The following GREB1L variants were observed in gnomAD, a reference collection of about 807,000 sequenced individuals.
GREB1L encodes GREB1-like protein.
GREB1L carries 17 observed loss-of-function variants against 200.8 expected under a neutral mutation model. The observed-to-expected ratio is 0.08, with a 90% CI of 0.06 to 0.13. The LOEUF is 0.13. GREB1L is among the 10% of genes least tolerant of loss of function. GREB1L has a pLI of 1.00. For synonymous variants in GREB1L, 789 were observed against 893.0 expected (o/e 0.88, Z 2.08); for missense variants, 1,657 against 2,367.7 (o/e 0.70, Z 6.23).
chr18:21,383,554 T>C lies in GREB1L; in HGVS notation c.36T>C (p.Ala12=). The change falls in exon 3 of 33, where the codon GCT becomes GCC. Residue 12 remains alanine, a synonymous_variant. Coordinates refer to ENST00000424526, the MANE Select transcript of GREB1L (RefSeq NM_001142966.3). ...CATATGCTGGGCAACTGAAATCTGC[T>C]CGATTTGAGGAAGCTCTCCACAACT... ...GNSYAGQLKS[A]RFEEALHNSI... is the part of the protein sequence containing the mutation. 1.3e-6 allele frequency: 2 copies of C among 1,546,872 alleles called. No homozygotes were observed. Among genetic ancestry groups the C allele is most frequent in the Non-Finnish European group, 1.7e-6 (2 of 1,145,622 alleles).
At position 21,490,001 on chromosome 18, in the gene GREB1L, T is replaced by G. The variant is rs1462229918; in HGVS notation, c.2691-11T>G. ...GCTGCCTGAGTGCTAGTGCCTTGTT[T>G]TCTGTTGAAGGTACCCCAGGCTGCA... On this transcript the variant is annotated splice_polypyrimidine_tract_variant and intron_variant, in intron 18 of 32. Transcript: ENST00000424526. The G allele has an allele frequency of 1.9e-6, 3 of 1,546,300 alleles. No individual in the cohort carries two copies. The highest frequency in any genetic ancestry group is 1.7e-6 in the Non-Finnish European group (2 of 1,143,724).
chr18:21,415,033 C>T (rs1295247790), intron 7 of GREB1L, among the ~76,000 whole-genome samples: 1 of 152,044 alleles, frequency 6.6e-6, no homozygotes, highest in Non-Finnish European at 1.5e-5. Context: ...CAGCAGACTC[C>T]TTAAGTCAAG....
chr18:21,296,920 G>T (rs2038537844), intron 1 of GREB1L, among the ~76,000 whole-genome samples: 1 of 152,182 alleles, frequency 6.6e-6, no homozygotes. Flanking sequence ...CTCCCAGAGT[G>T]CTAGGATTAC....
At chr18:21,257,127 C>G (rs184306074) in intron 1 of GREB1L, among the ~76,000 whole-genome samples, 2 of 151,894 alleles carry the variant, frequency 1.3e-5, no homozygotes, top group Non-Finnish European at 2.9e-5. Context: ...CTACTATGCC[C>G]GGCTAATTTT....
intron 7 of GREB1L, among the ~76,000 whole-genome samples, chr18:21,430,047 C>G (rs1340955824): frequency 6.6e-6 from 1 of 152,080 alleles, no homozygotes; most frequent in East Asian, 1.9e-4. Context: ...TGGGCACATT[C>G]CTGATGTCTC....
chr18:21,480,063 G>T (rs1203170162), intron 17 of GREB1L, among the ~76,000 whole-genome samples: 1 of 152,038 alleles, frequency 6.6e-6, no homozygotes, highest in Non-Finnish European at 1.5e-5. Flanking sequence ...TCTGAAAAGG[G>T]TTTTTGGCTA....
Position 21,460,730 on chromosome 18 carries a change from C to T in GREB1L, c.2182+6167C>T, listed in dbSNP as rs146181195. On this transcript the variant is annotated intron_variant, in intron 15 of 32. Transcript: ENST00000424526. ...ACTCCTCAAACCCCAGACTTCATCCCTCATCCTTCTCTCTTAGCAAATGAC... is the reference window on the plus strand; with the variant it reads ...ACTCCTCAAACCCCAGACTTCATCCTTCATCCTTCTCTCTTAGCAAATGAC... Among the ~76,000 whole-genome samples, 9 of 152,240 alleles carry T rather than the reference C, an allele frequency of 5.9e-5. No individual in the cohort carries two copies. The East Asian group carries it at 1.5e-3, about 26-fold the overall frequency.
At chr18:21,488,116 T>C (rs1240681947) in intron 18 of GREB1L, among the ~76,000 whole-genome samples, 1 of 151,358 alleles carries the variant, frequency 6.6e-6, no homozygotes. Context: ...ACCAGCCTGA[T>C]CAACATGGAG....
chr18:21,469,358 A>G (rs1380681800), intron 15 of GREB1L, among the ~76,000 whole-genome samples: 1 of 152,234 alleles, frequency 6.6e-6, no homozygotes, highest in East Asian at 1.9e-4. Context: ...ATTTTGCTCA[A>G]ATTTTCCAGC....
At chr18:21,400,536 G>A (rs568719757) in intron 5 of GREB1L, among the ~76,000 whole-genome samples, 1 of 152,168 alleles carries the variant, frequency 6.6e-6, no homozygotes, top group Non-Finnish European at 1.5e-5. Context: ...CATGGTTCTT[G>A]GTTCCCGTAC....
At chr18:21,268,186 G>A (rs1054959431) in intron 1 of GREB1L, among the ~76,000 whole-genome samples, 6 of 151,862 alleles carry the variant, frequency 4.0e-5, no homozygotes, top group Admixed American at 1.3e-4. Context: ...TGAGCACAGC[G>A]GAATCAAAAG....
Position 21,394,156 on chromosome 18 carries a change from G to A in GREB1L, c.356-1229G>A, listed in dbSNP as rs549267090. Among the ~76,000 whole-genome samples, 5 of 152,242 alleles carry A rather than the reference G, an allele frequency of 3.3e-5. No individual in the cohort carries two copies. The East Asian group carries it at 9.7e-4, about 29-fold the overall frequency. On this transcript the variant is annotated intron_variant, in intron 4 of 32. Transcript: ENST00000424526. Reference sequence around the variant, plus strand: ...TGGCTCCATGTTCAGATTTTCTAGGGGAAAGGCTTTGATGGGCCTTGTTTA... The same window carrying A: ...TGGCTCCATGTTCAGATTTTCTAGGAGAAAGGCTTTGATGGGCCTTGTTTA...
chr18:21,258,506 C>T (rs763309903), intron 1 of GREB1L, among the ~76,000 whole-genome samples: 21 of 152,108 alleles, frequency 1.4e-4, no homozygotes, highest in Non-Finnish European at 2.9e-4. Flanking sequence ...GCCAAACTTC[C>T]TTCTGATCTA....
chr18:21,348,237 G>A (rs556831430), intron 1 of GREB1L, among the ~76,000 whole-genome samples: 19 of 151,914 alleles, frequency 1.3e-4, no homozygotes, highest in East Asian at 1.2e-3. Flanking sequence ...GAGCCACCGC[G>A]CCTGGCTTGC....
At chr18:21,278,403 A>C (rs938405705) in intron 1 of GREB1L, among the ~76,000 whole-genome samples, 6 of 145,906 alleles carry the variant, frequency 4.1e-5, no homozygotes, top group African/African-American at 1.6e-4. Flanking sequence ...TAAATAAATA[A>C]ATAAATAAAT....
At chr18:21,476,818 G>A (rs1598900367) in intron 16 of GREB1L, among the ~76,000 whole-genome samples, 1 of 151,698 alleles carries the variant, frequency 6.6e-6, no homozygotes, top group Non-Finnish European at 1.5e-5. Flanking sequence ...ACCTCAGGTG[G>A]TCCATCTGCC....
chr18:21,243,517 TC>T (rs1231853276), intron 1 of GREB1L, among the ~76,000 whole-genome samples: 5 of 152,208 alleles, frequency 3.3e-5, no homozygotes, highest in Non-Finnish European at 7.4e-5. Flanking sequence ...GAGGCGGGAA[TC>T]CCTGCTTAAA....
At chr18:21,331,446 G>C (rs1411439866) in intron 1 of GREB1L, among the ~76,000 whole-genome samples, 1 of 152,162 alleles carries the variant, frequency 6.6e-6, no homozygotes, top group Non-Finnish European at 1.5e-5. Flanking sequence ...CTTTCTCATT[G>C]GGTAAAAAGA....
intron 31 of GREB1L, among the ~76,000 whole-genome samples, chr18:21,519,260 G>A (rs776994397): frequency 7.2e-5 from 11 of 152,128 alleles, no homozygotes; most frequent in South Asian, 2.1e-4. Flanking sequence ...CCAGGAGTTC[G>A]AGACCAGCCT....
Sources: gnomAD v4.1 joint callset for allele counts (sites outside exome capture counted in the v4.1 genomes callset) on GRCh38, gnomAD v4.1.1 for gene constraint, MANE v1.5 for transcripts, NCBI Gene and HGNC (gene_info 2026-07-23, HGNC 2026-07-21) for gene names.